Variants in FBXL7 observed in about 807,000 individuals in gnomAD.
FBXL7 encodes F-box and leucine rich repeat protein 7, also known as F-box/LRR-repeat protein 7.
Under a neutral mutation model 38.3 loss-of-function variants are expected in FBXL7, and 12 were observed. That is an observed-to-expected ratio of 0.31 (90% CI 0.20 to 0.51). The LOEUF (loss-of-function observed/expected upper bound fraction) is 0.51. Among genes scored for constraint, FBXL7 ranks in the 20% least tolerant of loss-of-function variants. The pLI is 0.98. For synonymous variants in FBXL7, 297 were observed against 300.9 expected (o/e 0.99, Z 0.13); for missense variants, 567 against 676.4 (o/e 0.84, Z 1.79).
intron 3 of FBXL7, among the ~76,000 whole-genome samples, chr5:15,930,844 T>C (rs898851508): frequency 6.6e-6 from 1 of 152,226 alleles, no homozygotes; most frequent in Non-Finnish European, 1.5e-5. Flanking sequence ...CAGCACCTAC[T>C]AAGGGTGCCC....
chr5:15,936,302 T>C lies in FBXL7; in HGVS notation c.740-148T>C. On this transcript the variant is annotated intron_variant, in intron 3 of 3. Coordinates refer to ENST00000504595, the MANE Select transcript of FBXL7 (RefSeq NM_012304.5). This position sits in a 1 kb window ranked among gnomAD's most constrained non-coding sequence, Gnocchi z 6.0. The stretch of plus-strand genomic sequence containing the variant: ...AAATATGGGGAACCCATTCTTGCAT[T>C]TCCTCTCTATAGAGACCAAGACAGG... 1 of 863,628 alleles carries C rather than the reference T, an allele frequency of 1.2e-6. No individual in the cohort carries two copies. Among genetic ancestry groups the C allele is most frequent in the Non-Finnish European group, 1.7e-6 (1 of 580,400 alleles). 53.5% of individuals were successfully genotyped at this position (863,628 alleles called of 1,614,324 possible). A position where few individuals can be genotyped will look rare whatever the true frequency, so the allele number is the denominator to read the frequency against.
At chr5:15,565,370 T>C (rs994875404) in intron 1 of FBXL7, among the ~76,000 whole-genome samples, 8 of 152,052 alleles carry the variant, frequency 5.3e-5, no homozygotes, top group Non-Finnish European at 8.8e-5. Context: ...AAGTATTTGT[T>C]AAAGGAGTAA....
At chr5:15,513,340 A>G (rs1273988366) in intron 1 of FBXL7, among the ~76,000 whole-genome samples, 1 of 152,104 alleles carries the variant, frequency 6.6e-6, no homozygotes, top group Non-Finnish European at 1.5e-5. Flanking sequence ...TGAAAGTGTT[A>G]TTTCTTTCTT....
chr5:15,820,957 C>G (rs934705847), intron 2 of FBXL7, among the ~76,000 whole-genome samples: 1 of 152,166 alleles, frequency 6.6e-6, no homozygotes, highest in Non-Finnish European at 1.5e-5. Flanking sequence ...TCCACCACCC[C>G]GCAAATCCCA....
chr5:15,867,911 C>G (rs1579542133), intron 2 of FBXL7, among the ~76,000 whole-genome samples: 1 of 152,080 alleles, frequency 6.6e-6, no homozygotes, highest in South Asian at 2.1e-4. Flanking sequence ...CAAGACCATC[C>G]TGGCCAACAT....
chr5:15,814,667 A>G (rs955613008), intron 2 of FBXL7, among the ~76,000 whole-genome samples: 5 of 152,174 alleles, frequency 3.3e-5, no homozygotes, highest in African/African-American at 1.2e-4. Flanking sequence ...ATTTAAAAAA[A>G]TGTTCCATGA....
intron 2 of FBXL7, among the ~76,000 whole-genome samples, chr5:15,834,187 G>A (rs1413255457): frequency 1.3e-5 from 2 of 152,158 alleles, no homozygotes; most frequent in Non-Finnish European, 2.9e-5. Context: ...ATATCATATA[G>A]GTGGAACACT....
At chr5:15,835,417 T>A (rs1316907286) in intron 2 of FBXL7, among the ~76,000 whole-genome samples, 1 of 152,166 alleles carries the variant, frequency 6.6e-6, no homozygotes, top group Non-Finnish European at 1.5e-5. Context: ...TATTATGCAA[T>A]TATAATATGC....
chr5:15,755,830 A>G lies in FBXL7; in HGVS notation c.127+139758A>G, dbSNP rs143793375. 1.2e-4 allele frequency among the ~76,000 whole-genome samples: 18 copies of G among 152,334 alleles called. No homozygotes were observed. The East Asian group carries it at 2.9e-3, about 24-fold the overall frequency. On this transcript the variant is annotated intron_variant, in intron 2 of 3. Coordinates refer to ENST00000504595, the MANE Select transcript of FBXL7 (RefSeq NM_012304.5). ...CAGAATGCTGTAAAATAACCTGAGA[A>G]AGGCTGGCACTGAAGACGTTTGTGG...
chr5:15,793,424 G>C (rs1737328621), intron 2 of FBXL7, among the ~76,000 whole-genome samples: 1 of 152,108 alleles, frequency 6.6e-6, no homozygotes, highest in African/African-American at 2.4e-5. Flanking sequence ...TCTCCTCCAT[G>C]TCTGTCCTCT....
chr5:15,798,013 C>G (rs1363667625), intron 2 of FBXL7, among the ~76,000 whole-genome samples: 1 of 152,100 alleles, frequency 6.6e-6, no homozygotes, highest in African/African-American at 2.4e-5. Context: ...TAATATAGCC[C>G]AGATGACAGA....
chr5:15,669,162 T>TGCTC (rs1742378928), intron 2 of FBXL7, among the ~76,000 whole-genome samples: 1 of 152,196 alleles, frequency 6.6e-6, no homozygotes, highest in African/African-American at 2.4e-5. Flanking sequence ...AGATGGTAAC[T>TGCTC]AATTGTAGCC....
chr5:15,706,443 C>T (rs1268462895), intron 2 of FBXL7, among the ~76,000 whole-genome samples: 1 of 152,176 alleles, frequency 6.6e-6, no homozygotes, highest in Non-Finnish European at 1.5e-5. Context: ...GCCTGCAGAA[C>T]CATGAGCCAA....
chr5:15,684,503 G>C (rs2126614164), intron 2 of FBXL7, among the ~76,000 whole-genome samples: 1 of 152,308 alleles, frequency 6.6e-6, no homozygotes. Flanking sequence ...GAATGTGCAT[G>C]TCCTGCTTCC....
chr5:15,623,952 G>A lies in FBXL7; in HGVS notation c.127+7880G>A, dbSNP rs531935478. Among the ~76,000 whole-genome samples the A allele has an allele frequency of 3.3e-5, 5 of 152,270 alleles. No individual in the cohort carries two copies. In the South Asian group the frequency reaches 6.2e-4, roughly 19 times the overall value. ...AGATTATATCAGGGCTCAAGACTAC[G>A]AGCCTTGACATAAGATGTGTACTTA... On this transcript the variant is annotated intron_variant, in intron 2 of 3. Transcript: ENST00000504595.
chr5:15,765,708 A>C (rs1362524883), intron 2 of FBXL7, among the ~76,000 whole-genome samples: 1 of 152,148 alleles, frequency 6.6e-6, no homozygotes, highest in Non-Finnish European at 1.5e-5. Context: ...AATAATGCCC[A>C]GTTGTGTACC....
At chr5:15,789,194 A>G (rs762375905) in intron 2 of FBXL7, among the ~76,000 whole-genome samples, 14 of 152,128 alleles carry the variant, frequency 9.2e-5, no homozygotes, top group Non-Finnish European at 1.9e-4. Context: ...AGTGCTCTAC[A>G]AGACCTCATA....
intron 2 of FBXL7, among the ~76,000 whole-genome samples, chr5:15,649,531 C>T (rs774482454): frequency 6.6e-5 from 10 of 152,094 alleles, no homozygotes; most frequent in Non-Finnish European, 1.0e-4. Context: ...AAGAGGCCAC[C>T]GTCTTGTGGC....
chr5:15,862,459 T>C (rs532046284), intron 2 of FBXL7, among the ~76,000 whole-genome samples: 119 of 152,292 alleles, frequency 7.8e-4, no homozygotes, highest in Admixed American at 1.5e-3. Context: ...TTATTGAACA[T>C]CTACAAAAAC....
Sources: allele counts gnomAD v4.1 joint callset (sites outside exome capture counted in the v4.1 genomes callset), GRCh38; gene constraint gnomAD v4.1.1; non-coding constraint Gnocchi (gnomAD v3.1); transcripts MANE v1.5; gene names NCBI Gene and HGNC (gene_info 2026-07-23, HGNC 2026-07-21).